DZANK1: variants seen among roughly 807,000 people sequenced by gnomAD.
The protein encoded by DZANK1 is double zinc ribbon and ankyrin repeat-containing protein 1.
Under a neutral mutation model 94.5 loss-of-function variants are expected in DZANK1, and 91 were observed. The ratio of observed to expected loss-of-function variants is 0.96; its 90% CI spans 0.81 to 1.15. The LOEUF is 1.15. Ranked by LOEUF, DZANK1 falls within the 50% of genes most tolerant of loss-of-function variation. The pLI is 0.00. For synonymous variants in DZANK1, 312 were observed against 325.3 expected (o/e 0.96, Z 0.44); for missense variants, 903 against 916.4 (o/e 0.99, Z 0.19).
chr20:18,396,449 A>G (rs768136208), intron 15 of DZANK1, 23 bp downstream of exon 15: 9 of 1,585,622 alleles, frequency 5.7e-6, no homozygotes, highest in Admixed American at 1.7e-5. Flanking sequence ...TCTCAAATGA[A>G]TAACTTCTGG....
chr20:18,401,189 G>A (rs541639167), intron 13 of DZANK1, among the ~76,000 whole-genome samples: 50 of 152,142 alleles, frequency 3.3e-4, no homozygotes, highest in African/African-American at 9.2e-4. Context: ...TGCCTGCCTC[G>A]GCCTCCCAAA....
chr20:18,385,086 T>TA lies in DZANK1; in HGVS notation c.2022_2023insT (p.Arg675Ter). On this transcript the variant is annotated frameshift_variant, in exon 20 of 21. Coordinates refer to ENST00000262547, the Ensembl canonical transcript of DZANK1. LOFTEE classifies it high-confidence loss of function. ...GTTGCTTCATGAAGAGCTGTATTTC[T>TA]GAGCCTAATGAGGGGGGAAAAATCC... is the stretch of plus-strand genomic sequence containing the variant. 1 of 1,552,632 alleles carries TA rather than the reference T, an allele frequency of 6.4e-7. No individual in the cohort carries two copies. Among genetic ancestry groups the TA allele is most frequent in the Non-Finnish European group, 8.7e-7 (1 of 1,147,530 alleles).
At chr20:18,414,713 C>A (rs1037514430) in intron 11 of DZANK1, among the ~76,000 whole-genome samples, 1 of 152,150 alleles carries the variant, frequency 6.6e-6, no homozygotes, top group African/African-American at 2.4e-5. Flanking sequence ...TAAAAGAAAT[C>A]ACTGAAAACA....
intron 6 of DZANK1, among the ~76,000 whole-genome samples, chr20:18,452,307 T>C (rs2059130989): frequency 6.6e-6 from 1 of 152,204 alleles, no homozygotes; most frequent in Non-Finnish European, 1.5e-5. Context: ...ATGCTGATGC[T>C]GCAGGTCTGG....
intron 7 of DZANK1, 39 bp downstream of exon 7, chr20:18,448,945 G>A (rs1392074673): frequency 6.7e-7 from 1 of 1,483,640 alleles, no homozygotes; most frequent in Admixed American, 1.8e-5. Context: ...ATGTATCTTT[G>A]TAGGATTTAA....
rs1287002819 is a variant in DZANK1 at position 18,453,829 on chromosome 20, T to C, written c.379-2A>G. ...TCCAACAAATCCATTTTTGAATTCC[T>C]AGGAATGAAGAGATTGCATATCAAT... On this transcript the variant is annotated splice_acceptor_variant, in intron 4 of 20. Transcript: ENST00000262547. LOFTEE classifies it high-confidence loss of function. 6.4e-7 allele frequency: 1 copy of C among 1,553,792 alleles called. No homozygotes were observed. The highest frequency in any genetic ancestry group is 8.9e-7 in the Non-Finnish European group (1 of 1,125,286).
chr20:18,437,268 T>C (rs893671135), intron 8 of DZANK1, among the ~76,000 whole-genome samples: 2 of 152,196 alleles, frequency 1.3e-5, no homozygotes, highest in Admixed American at 6.5e-5. Context: ...GGACGATACT[T>C]AAGCAATGTT....
chr20:18,443,401 G>C, exon 8 of DZANK1: 1 of 1,544,472 alleles, frequency 6.5e-7, no homozygotes, highest in Non-Finnish European at 8.7e-7. Flanking sequence ...GGACAGGAGA[G>C]CCACATTCTT....
rs1047481116 is a variant in DZANK1, at chr20:18,393,823, C to G, written c.1709-12G>C. ...GCTGTAGTCACTCACTGAAATGACACAGTTGGGGAAAAAAATGATGCCCCT... is the reference window on the plus strand; with the variant it reads ...GCTGTAGTCACTCACTGAAATGACAGAGTTGGGGAAAAAAATGATGCCCCT... On this transcript the variant is annotated splice_polypyrimidine_tract_variant and intron_variant, in intron 16 of 20. Coordinates refer to ENST00000262547, the Ensembl canonical transcript of DZANK1. 13 of 1,579,920 alleles carry G rather than the reference C, an allele frequency of 8.2e-6. No individual in the cohort carries two copies. Among genetic ancestry groups the G allele is most frequent in the Non-Finnish European group, 1.0e-5 (12 of 1,153,986 alleles).
rs2056921363 is a variant in DZANK1, at chr20:18,405,598, C to T, written c.1433-6972G>A. ...ATTTTATAAAAGACATGAATTTATA[C>T]ATCCAAGAAGCTCAAAAAGCTGGAG... is the stretch of plus-strand genomic sequence containing the variant. On this transcript the variant is annotated intron_variant, in intron 13 of 20. Coordinates refer to ENST00000262547, the Ensembl canonical transcript of DZANK1. Among the ~76,000 whole-genome samples, 3 of 152,140 alleles carry T rather than the reference C, an allele frequency of 2.0e-5. No individual in the cohort carries two copies. In the South Asian group the frequency reaches 6.2e-4, roughly 31 times the overall value.
intron 13 of DZANK1, among the ~76,000 whole-genome samples, chr20:18,411,816 A>G (rs1009199075): frequency 6.6e-6 from 1 of 152,204 alleles, no homozygotes; most frequent in African/African-American, 2.4e-5. Context: ...GGAAGCTAGA[A>G]GTCCAAAATA....
exon 13 of DZANK1, chr20:18,412,812 T>G (rs774845008): frequency 6.2e-7 from 1 of 1,613,980 alleles, no homozygotes; most frequent in Non-Finnish European, 8.5e-7. Context: ...CAACATCAGA[T>G]CTGGGCAAAG....
At chr20:18,426,461 C>T (rs943986937) in intron 10 of DZANK1, among the ~76,000 whole-genome samples, 7 of 152,222 alleles carry the variant, frequency 4.6e-5, no homozygotes, top group African/African-American at 1.7e-4. Context: ...ACATGCACAG[C>T]AACCCAAAAG....
intron 10 of DZANK1, among the ~76,000 whole-genome samples, chr20:18,419,322 A>G (rs979469553): frequency 6.6e-6 from 1 of 152,156 alleles, no homozygotes; most frequent in Admixed American, 6.6e-5. Context: ...CAAACAATTC[A>G]ACAGGTGTGT....
chr20:18,464,970 C>A (rs114654589), intron 2 of DZANK1, among the ~76,000 whole-genome samples: 1 of 151,234 alleles, frequency 6.6e-6, no homozygotes, highest in Admixed American at 6.6e-5. Context: ...CCACCGCACC[C>A]GGCCAGCACC....
intron 16 of DZANK1, 60 bp downstream of exon 16, chr20:18,394,194 C>T (rs1192867506): frequency 1.4e-6 from 2 of 1,463,876 alleles, no homozygotes; most frequent in East Asian, 2.4e-5. Context: ...TCTGCTATAC[C>T]TGCCAAGTCC....
chr20:18,398,486 G>A (rs372483532), intron 14 of DZANK1, 37 bp downstream of exon 14: 90 of 1,592,626 alleles, frequency 5.7e-5, no homozygotes, highest in African/African-American at 9.4e-5. Context: ...GCCTGATCCC[G>A]TGGACACTTG....
chr20:18,430,888 G>A (rs917025954), intron 9 of DZANK1, among the ~76,000 whole-genome samples: 2 of 152,094 alleles, frequency 1.3e-5, no homozygotes, highest in South Asian at 4.1e-4. Flanking sequence ...ATTAAGTTGC[G>A]AGGAAAAGTA....
intron 7 of DZANK1, among the ~76,000 whole-genome samples, chr20:18,447,003 T>C (rs1489472930): frequency 6.6e-6 from 1 of 152,252 alleles, no homozygotes; most frequent in Non-Finnish European, 1.5e-5. Context: ...GGTAGATATA[T>C]TTCAGGGATG....
Sources: gnomAD v4.1 joint callset for allele counts (sites outside exome capture counted in the v4.1 genomes callset) on GRCh38, gnomAD v4.1.1 for gene constraint, MANE v1.5 for transcripts, NCBI Gene and HGNC (gene_info 2026-07-23, HGNC 2026-07-21) for gene names.